Variants in NBEA observed in about 807,000 individuals in gnomAD.
NBEA encodes the protein neurobeachin, also known as lysosomal-trafficking regulator 2.
Under a neutral mutation model 343.4 loss-of-function variants are expected in NBEA, and 44 were observed. The observed-to-expected ratio is 0.13, with a 90% CI of 0.10 to 0.16. The LOEUF (loss-of-function observed/expected upper bound fraction) is 0.16. Ranked by LOEUF, NBEA falls within the 10% of genes least tolerant of loss-of-function variation. The probability of loss-of-function intolerance (pLI) is 1.00; values close to 1 mark genes in which losing one functional copy is unlikely to be tolerated. For synonymous variants in NBEA, 1,175 were observed against 1,238.7 expected (o/e 0.95, Z 1.08); for missense variants, 2,555 against 3,631.3 (o/e 0.70, Z 7.62).
At chr13:35,433,374 T>C (rs1419284117) in intron 39 of NBEA, among the ~76,000 whole-genome samples, 1 of 152,074 alleles carries the variant, frequency 6.6e-6, no homozygotes, top group East Asian at 1.9e-4. Flanking sequence ...TTTTATTATA[T>C]TAATTTTCTT....
At chr13:35,019,862 A>T (rs558862346) in intron 1 of NBEA, among the ~76,000 whole-genome samples, 1 of 152,216 alleles carries the variant, frequency 6.6e-6, no homozygotes, top group East Asian at 1.9e-4. Context: ...TTTTATTTGT[A>T]TTAGTGGTAA....
chr13:35,200,259 T>C (rs2072924763), intron 31 of NBEA, among the ~76,000 whole-genome samples: 1 of 152,002 alleles, frequency 6.6e-6, no homozygotes, highest in Admixed American at 6.6e-5. Context: ...TCATGTACTG[T>C]GTAACTTTTA....
At chr13:35,500,942 T>C (rs1891719) in intron 41 of NBEA, among the ~76,000 whole-genome samples, 102,451 of 151,834 alleles carry the variant, frequency 0.67, 34,847 homozygotes, top group African/African-American at 0.74. Flanking sequence ...CATATTATGT[T>C]ACTGTTTAAA....
At chr13:35,098,503 G>C in intron 11 of NBEA, 98 bp downstream of exon 11, 3 of 806,560 alleles carry the variant, frequency 3.7e-6, no homozygotes, top group Non-Finnish European at 6.0e-6. Flanking sequence ...TCCATTGACT[G>C]TGTAGAGATT....
chr13:35,075,951 A>G (rs1167793163), intron 10 of NBEA, among the ~76,000 whole-genome samples: 2 of 151,982 alleles, frequency 1.3e-5, no homozygotes, highest in African/African-American at 4.8e-5. Flanking sequence ...TATCTATTAT[A>G]TACAGCGTTA....
At chr13:35,360,835 G>A (rs186229168) in intron 38 of NBEA, among the ~76,000 whole-genome samples, 2 of 152,028 alleles carry the variant, frequency 1.3e-5, no homozygotes, top group Admixed American at 6.6e-5. Context: ...AAAATTAACA[G>A]AGCTTCAGGC....
intron 17 of NBEA, among the ~76,000 whole-genome samples, chr13:35,141,692 T>G (rs2068103132): frequency 6.6e-6 from 1 of 152,200 alleles, no homozygotes; most frequent in African/African-American, 2.4e-5. Context: ...AGGGACACAA[T>G]TAAATCAGGC....
intron 55 of NBEA, among the ~76,000 whole-genome samples, chr13:35,661,341 G>C (rs563487526): frequency 1.3e-5 from 2 of 152,276 alleles, no homozygotes; most frequent in East Asian, 3.9e-4. Flanking sequence ...AAGAGAAGAG[G>C]TTGTCCTGCA....
At chr13:35,017,327 G>A (rs554768993) in intron 1 of NBEA, among the ~76,000 whole-genome samples, 2 of 152,182 alleles carry the variant, frequency 1.3e-5, no homozygotes, top group Non-Finnish European at 2.9e-5. Flanking sequence ...GTTGGGTACT[G>A]AGAGTGCTGA....
At chr13:35,617,658 G>A (rs990608377) in intron 48 of NBEA, among the ~76,000 whole-genome samples, 4 of 152,158 alleles carry the variant, frequency 2.6e-5, no homozygotes, top group East Asian at 1.9e-4. Context: ...GCAGCTGCTC[G>A]TCTCTCAGTG....
In NBEA at chr13:34,996,795, G is replaced by A. The variant is rs2060957461; in HGVS notation, c.295-44138G>A. ...CGTGTGTGTGTATGTTTTGATTAAT[G>A]TATGTATTATGTGTTAAGTAAATAG... On this transcript the variant is annotated intron_variant, in intron 1 of 58. Coordinates refer to ENST00000379939, the MANE Select transcript of NBEA (RefSeq NM_001385012.1). 3.9e-5 allele frequency among the ~76,000 whole-genome samples: 6 copies of A among 152,198 alleles called. No homozygotes were observed. In the South Asian group the frequency reaches 1.2e-3, roughly 32 times the overall value.
chr13:35,655,613 T>G lies in NBEA; in HGVS notation c.8226T>G (p.Asp2742Glu). The G allele has an allele frequency of 6.2e-7, 1 of 1,613,894 alleles. No individual in the cohort carries two copies. Among genetic ancestry groups the G allele is most frequent in the Non-Finnish European group, 8.5e-7 (1 of 1,179,860 alleles). The change falls in exon 55 of 59, where the codon GAT becomes GAG. Residue 2742 changes from aspartate to glutamate, a missense_variant. Physicochemically the swap from Asp to Glu is conservative, Grantham distance 45. This residue lies in a region of NBEA where 186 missense variants were observed against 328.9 expected (regional missense o/e 0.57). Coordinates refer to ENST00000379939, the MANE Select transcript of NBEA (RefSeq NM_001385012.1). ...CTCAGATTGTATTTGGCCATTGGGATGTGGTCACTTGCTTGGCCAGGTCCG... is the reference window on the plus strand; with the variant it reads ...CTCAGATTGTATTTGGCCATTGGGAGGTGGTCACTTGCTTGGCCAGGTCCG... ...KLTQIVFGHW[D>E]VVTCLARSES...
At chr13:35,134,371 A>AT (rs1423330843) in intron 17 of NBEA, among the ~76,000 whole-genome samples, 1 of 151,846 alleles carries the variant, frequency 6.6e-6, no homozygotes, top group Non-Finnish European at 1.5e-5. Context: ...CAAAAAAAAA[A>AT]GGCGGGTCAT....
intron 33 of NBEA, among the ~76,000 whole-genome samples, chr13:35,225,939 C>T (rs2074628344): frequency 6.6e-6 from 1 of 151,970 alleles, no homozygotes; most frequent in African/African-American, 2.4e-5. Flanking sequence ...AATAGAAGTC[C>T]TCTATTTAAT....
intron 49 of NBEA, among the ~76,000 whole-genome samples, chr13:35,632,346 A>G (rs925353175): frequency 6.6e-6 from 1 of 152,176 alleles, no homozygotes; most frequent in African/African-American, 2.4e-5. Context: ...CAGAATCAGC[A>G]TCACCTGGGA....
At chr13:35,190,246 C>G (rs911443797) in intron 30 of NBEA, among the ~76,000 whole-genome samples, 1 of 151,968 alleles carries the variant, frequency 6.6e-6, no homozygotes, top group Non-Finnish European at 1.5e-5. Flanking sequence ...TGCAACTGCT[C>G]GAAGTGACAG....
At chr13:35,298,896 G>T (rs2036342768) in intron 35 of NBEA, among the ~76,000 whole-genome samples, 1 of 151,736 alleles carries the variant, frequency 6.6e-6, no homozygotes, top group African/African-American at 2.4e-5. Context: ...CTTTTAGTAA[G>T]ATCTTCATAA....
intron 11 of NBEA, among the ~76,000 whole-genome samples, chr13:35,106,573 G>A (rs1369751106): frequency 6.6e-6 from 1 of 151,736 alleles, no homozygotes; most frequent in Non-Finnish European, 1.5e-5. Flanking sequence ...ACTACTAAGA[G>A]GTAAAGGTAA....
intron 38 of NBEA, among the ~76,000 whole-genome samples, chr13:35,369,098 A>G (rs2041285395): frequency 6.7e-6 from 1 of 148,926 alleles, no homozygotes; most frequent in Non-Finnish European, 1.5e-5. Flanking sequence ...TTTTTTATAT[A>G]GTGAGAGATA....
Sources: gnomAD v4.1 joint callset for allele counts (sites outside exome capture counted in the v4.1 genomes callset) on GRCh38, gnomAD v4.1.1 for gene constraint, gnomAD v4.1.1 regional missense constraint, MANE v1.5 for transcripts, NCBI Gene and HGNC (gene_info 2026-07-23, HGNC 2026-07-21) for gene names.